Variants in UBE2G2 observed in about 807,000 individuals in gnomAD.
The protein encoded by UBE2G2 is ubiquitin conjugating enzyme E2 G2.
UBE2G2 carries 10 observed loss-of-function variants against 23.0 expected under a neutral mutation model. The ratio of observed to expected loss-of-function variants is 0.43; its 90% confidence interval spans 0.27 to 0.74. The LOEUF (loss-of-function observed/expected upper bound fraction) is 0.74, where lower values mean the gene tolerates loss of function less well. Ranked by LOEUF, UBE2G2 falls within the 30% of genes least tolerant of loss-of-function variation. UBE2G2 has a pLI of 0.19. For synonymous variants in UBE2G2, 86 were observed against 81.3 expected (o/e 1.06, Z -0.31); for missense variants, 150 against 218.3 (o/e 0.69, Z 1.97).
At position 44,790,928 on chromosome 21, in the gene UBE2G2, C is replaced by T. The variant is rs150255880; in HGVS notation, c.44-2833G>A. 3.6e-3 allele frequency among the ~76,000 whole-genome samples: 552 copies of T among 152,318 alleles called. 1 individual carries two copies. The highest frequency in any genetic ancestry group is 6.3e-3 in the Non-Finnish European group (428 of 68,024). On this transcript the variant is annotated intron_variant, in intron 1 of 5. Transcript: ENST00000345496. Reference sequence around the variant, plus strand: ...GAAGATGTGGGAAAGTCTGGAACTTCCTAGAGACTTGCTGAATGCTTTTGA... The same window carrying T: ...GAAGATGTGGGAAAGTCTGGAACTTTCTAGAGACTTGCTGAATGCTTTTGA...
chr21:44,781,845 G>A (rs1446924767), intron 3 of UBE2G2, among the ~76,000 whole-genome samples: 2 of 152,142 alleles, frequency 1.3e-5, no homozygotes, highest in African/African-American at 4.8e-5. Context: ...CATAGTAGGG[G>A]CAAATATAGC....
At chr21:44,800,084 T>C (rs2146411050) in intron 1 of UBE2G2, 1 of 152,350 alleles carries the variant, frequency 6.6e-6, no homozygotes, top group South Asian at 2.1e-4. Flanking sequence ...CAAAGATTAC[T>C]GATCATAGAT....
intron 3 of UBE2G2, among the ~76,000 whole-genome samples, chr21:44,785,515 T>C (rs2082989429): frequency 6.6e-6 from 1 of 152,208 alleles, no homozygotes; most frequent in Non-Finnish European, 1.5e-5. Flanking sequence ...TAAAATGACA[T>C]TTTCTTCACT....
chr21:44,779,201 C>T, intron 3 of UBE2G2: 5 of 451,404 alleles, frequency 1.1e-5, no homozygotes, highest in Non-Finnish European at 1.8e-5. Flanking sequence ...CGGCTCATGG[C>T]CCTAGCAGGG....
At chr21:44,793,397 A>G (rs1260003089) in intron 1 of UBE2G2, among the ~76,000 whole-genome samples, 2 of 152,182 alleles carry the variant, frequency 1.3e-5, no homozygotes, top group African/African-American at 4.8e-5. Flanking sequence ...AGGGTGGTCT[A>G]AAAACTGCAG....
chr21:44,774,832 GA>G (rs2082901167), intron 4 of UBE2G2: 2 of 414,908 alleles, frequency 4.8e-6, no homozygotes, highest in South Asian at 3.5e-5. Flanking sequence ...TGCATCCACA[GA>G]AGCATCAAAA....
intron 1 of UBE2G2, among the ~76,000 whole-genome samples, chr21:44,795,055 G>A (rs1416522136): frequency 2.6e-5 from 4 of 151,428 alleles, no homozygotes; most frequent in African/African-American, 7.2e-5. Context: ...CTGAGGTCAG[G>A]AGTTAGAGAC....
In UBE2G2 at chr21:44,772,236, G is replaced by A. The variant is rs1443069992; in HGVS notation, c.386-747C>T. 6.6e-6 allele frequency among the ~76,000 whole-genome samples: 1 copy of A among 152,100 alleles called. No individual in the cohort carries two copies. Among genetic ancestry groups the A allele is most frequent in the Non-Finnish European group, 1.5e-5 (1 of 68,006 alleles). On this transcript the variant is annotated intron_variant, in intron 5 of 5. Transcript: ENST00000345496. The surrounding 1 kb of genome is among the most constrained non-coding windows in gnomAD (Gnocchi z 5.4). ...CACAGCTGACATCTGAGGACAGCCT[G>A]AGCCACTGCCTCCCTCCCAATCTCC... is the stretch of plus-strand genomic sequence containing the variant.
intron 3 of UBE2G2, among the ~76,000 whole-genome samples, chr21:44,787,545 C>T (rs2083005491): frequency 6.6e-6 from 1 of 152,208 alleles, no homozygotes; most frequent in Admixed American, 6.5e-5. Context: ...TCTTTGAGGA[C>T]CCTTTTCTCG....
chr21:44,774,153 A>G (rs1458947897), intron 4 of UBE2G2: 7 of 153,676 alleles, frequency 4.6e-5, no homozygotes, highest in Admixed American at 4.6e-4. Context: ...AACTGGAATT[A>G]TGTAAATATC....
chr21:44,785,260 G>C (rs2082986849), intron 3 of UBE2G2, among the ~76,000 whole-genome samples: 2 of 152,208 alleles, frequency 1.3e-5, no homozygotes, highest in South Asian at 4.1e-4. Flanking sequence ...CGCTCGATTT[G>C]ATTGCAGGCT....
chr21:44,775,809 G>T (rs953563539), intron 4 of UBE2G2, among the ~76,000 whole-genome samples: 4 of 152,084 alleles, frequency 2.6e-5, no homozygotes, highest in Non-Finnish European at 5.9e-5. Context: ...CCTATCAATT[G>T]TATTTTTTAA....
intron 4 of UBE2G2, chr21:44,774,819 C>T (rs2082901057): frequency 4.7e-6 from 2 of 425,980 alleles, no homozygotes; most frequent in South Asian, 3.4e-5. Context: ...CATAGGGTGA[C>T]ACTGCATCCA....
Position 44,788,232 on chromosome 21 carries a change from A to G in UBE2G2, c.44-137T>C, listed in dbSNP as rs2083012487. On this transcript the variant is annotated intron_variant, in intron 1 of 5. Transcript: ENST00000345496. Reference sequence around the variant, plus strand: ...TAACAAGTGAAAATTCTGTTTGCCCAAAGTGAATACCTAGTACAATAACGG... The same window carrying G: ...TAACAAGTGAAAATTCTGTTTGCCCGAAGTGAATACCTAGTACAATAACGG... The G allele has an allele frequency of 9.3e-6, 7 of 751,974 alleles. No individual in the cohort carries two copies. In the East Asian group the frequency reaches 1.1e-4, roughly 12 times the overall value. 46.6% of individuals were successfully genotyped at this position (751,974 alleles called of 1,614,324 possible).
intron 3 of UBE2G2, 67 bp from the exon 4 acceptor site, chr21:44,777,484 A>T: frequency 6.7e-7 from 1 of 1,498,182 alleles, no homozygotes; most frequent in Non-Finnish European, 9.3e-7. Context: ...ACAATTGACA[A>T]ATGGGTTAAG....
chr21:44,778,855 G>T (rs1555960933), intron 3 of UBE2G2, among the ~76,000 whole-genome samples: 1 of 152,200 alleles, frequency 6.6e-6, no homozygotes, highest in African/African-American at 2.4e-5. Context: ...AGAAAGAACA[G>T]TCGTGCAGGG....
chr21:44,800,712 A>G (rs2083129131), intron 1 of UBE2G2: 1 of 152,224 alleles, frequency 6.6e-6, no homozygotes, highest in Non-Finnish European at 1.5e-5. Flanking sequence ...CGGTGTCACC[A>G]ATAGTTTTAC....
At chr21:44,774,774 C>T (rs1447600232) in intron 4 of UBE2G2, 4 of 455,216 alleles carry the variant, frequency 8.8e-6, no homozygotes. Context: ...CAGGAAGTTT[C>T]CCACTTCTGT....
chr21:44,788,774 G>C (rs568982598), intron 1 of UBE2G2, among the ~76,000 whole-genome samples: 1 of 150,344 alleles, frequency 6.7e-6, no homozygotes, highest in Non-Finnish European at 1.5e-5. Context: ...ACCAGAGTGA[G>C]ACTGGGGAAA....
Sources: allele counts gnomAD v4.1 joint callset (sites outside exome capture counted in the v4.1 genomes callset), GRCh38; gene constraint gnomAD v4.1.1; non-coding constraint Gnocchi (gnomAD v3.1); transcripts MANE v1.5; gene names NCBI Gene and HGNC (gene_info 2026-07-23, HGNC 2026-07-21).